The following PPM1E variants were observed in gnomAD, a reference collection of about 807,000 sequenced individuals.
The protein encoded by PPM1E is protein phosphatase 1E.
Under a neutral mutation model 65.9 loss-of-function variants are expected in PPM1E, and 20 were observed. That is an observed-to-expected ratio of 0.30 (90% CI 0.21 to 0.44). PPM1E has a LOEUF of 0.44. Ranked by LOEUF, PPM1E falls within the 20% of genes least tolerant of loss-of-function variation. The pLI is 1.00. For missense variants in PPM1E, 713 were observed against 953.1 expected (o/e 0.75, Z 3.32); for synonymous variants, 352 against 374.9 (o/e 0.94, Z 0.70).
At chr17:58,895,766 C>T (rs1338232415) in intron 1 of PPM1E, among the ~76,000 whole-genome samples, 6 of 151,970 alleles carry the variant, frequency 3.9e-5, no homozygotes, top group Admixed American at 1.3e-4. Flanking sequence ...ACCATAGCGA[C>T]ACGACTGCAC....
intron 1 of PPM1E, among the ~76,000 whole-genome samples, chr17:58,931,073 AAAAAAAAAAAAAAGAAAG>A (rs895928978): frequency 2.1e-5 from 3 of 140,882 alleles, no homozygotes; most frequent in African/African-American, 7.9e-5. Flanking sequence ...AATTAAAAAA[AAAAAAAAAAAAAAGAAAG>A]AAAGAAAGAA....
intron 4 of PPM1E, among the ~76,000 whole-genome samples, chr17:58,970,519 C>G (rs953515133): frequency 6.6e-6 from 1 of 152,102 alleles, no homozygotes; most frequent in African/African-American, 2.4e-5. Context: ...AACATTAACT[C>G]TTTTTAAAAT....
intron 1 of PPM1E, among the ~76,000 whole-genome samples, chr17:58,795,549 A>C (rs2050197665): frequency 6.6e-6 from 1 of 152,010 alleles, no homozygotes; most frequent in South Asian, 2.1e-4. Context: ...CAAAAAAATC[A>C]AAAAATTAAC....
intron 6 of PPM1E, among the ~76,000 whole-genome samples, chr17:58,976,627 G>A (rs1598709930): frequency 6.6e-6 from 1 of 152,282 alleles, no homozygotes; most frequent in Middle Eastern, 3.4e-3. Context: ...GGAGAGAAGA[G>A]GTTGAAGACA....
intron 1 of PPM1E, among the ~76,000 whole-genome samples, chr17:58,797,151 A>T (rs1375855323): frequency 6.6e-6 from 1 of 152,178 alleles, no homozygotes; most frequent in Admixed American, 6.5e-5. Flanking sequence ...CCCCTAAAAA[A>T]CAAATAATTT....
chr17:58,936,985 T>C (rs1353155136), intron 1 of PPM1E, among the ~76,000 whole-genome samples: 3 of 152,046 alleles, frequency 2.0e-5, no homozygotes, highest in Non-Finnish European at 2.9e-5. Context: ...TCAGCCTATA[T>C]AGTGGAGATG....
At chr17:58,855,871 T>C (rs2050877132) in intron 1 of PPM1E, among the ~76,000 whole-genome samples, 1 of 152,178 alleles carries the variant, frequency 6.6e-6, no homozygotes, top group Non-Finnish European at 1.5e-5. Flanking sequence ...CAGTGAATCT[T>C]CCCCTGTGGT....
chr17:58,941,874 A>G (rs1334474987), intron 1 of PPM1E, among the ~76,000 whole-genome samples: 2 of 143,642 alleles, frequency 1.4e-5, no homozygotes, highest in Admixed American at 7.0e-5. Context: ...GCGTGGTGGC[A>G]GGCACCTGTA....
chr17:58,883,119 C>G (rs1010422589), intron 1 of PPM1E, among the ~76,000 whole-genome samples: 1 of 151,702 alleles, frequency 6.6e-6, no homozygotes, highest in African/African-American at 2.4e-5. Flanking sequence ...CCACGCCCAG[C>G]TAATTTTTTT....
At chr17:58,774,313 T>C (rs1472027074) in intron 1 of PPM1E, among the ~76,000 whole-genome samples, 1 of 152,130 alleles carries the variant, frequency 6.6e-6, no homozygotes. Flanking sequence ...CATTAGTACA[T>C]GGTGGAGTAT....
chr17:58,941,146 G>A (rs1449755382), intron 1 of PPM1E, among the ~76,000 whole-genome samples: 4 of 152,072 alleles, frequency 2.6e-5, no homozygotes, highest in Non-Finnish European at 5.9e-5. Context: ...AAAGATAAGC[G>A]ATTTTTACAG....
At chr17:58,756,739 C>T (rs141627914) in intron 1 of PPM1E, among the ~76,000 whole-genome samples, 9 of 152,236 alleles carry the variant, frequency 5.9e-5, no homozygotes, top group Non-Finnish European at 1.2e-4. Context: ...CGGGCCCGGG[C>T]CCCTCATCCC....
intron 1 of PPM1E, among the ~76,000 whole-genome samples, chr17:58,871,816 CAAAAA>C (rs56173332): frequency 7.0e-6 from 1 of 143,330 alleles, no homozygotes; most frequent in Non-Finnish European, 1.5e-5. Flanking sequence ...GACCCTGTCT[CAAAAA>C]AAAAAAAAAA....
At chr17:58,860,770 C>G (rs570560945) in intron 1 of PPM1E, among the ~76,000 whole-genome samples, 1 of 152,038 alleles carries the variant, frequency 6.6e-6, no homozygotes, top group Non-Finnish European at 1.5e-5. Flanking sequence ...ATGGTGGAAC[C>G]CTGTCTCTAC....
chr17:58,795,667 G>A (rs2144270820), intron 1 of PPM1E, among the ~76,000 whole-genome samples: 1 of 152,338 alleles, frequency 6.6e-6, no homozygotes, highest in East Asian at 1.9e-4. Context: ...TTGTGCCACT[G>A]CACTGTAGCT....
intron 1 of PPM1E, among the ~76,000 whole-genome samples, chr17:58,845,428 C>A (rs540949188): frequency 6.6e-6 from 1 of 151,962 alleles, no homozygotes; most frequent in South Asian, 2.1e-4. Context: ...CTATCACCAC[C>A]ATCCATCTCC....
At chr17:58,960,376 G>A (rs1259845673) in intron 2 of PPM1E, among the ~76,000 whole-genome samples, 1 of 152,216 alleles carries the variant, frequency 6.6e-6, no homozygotes, top group Middle Eastern at 3.2e-3. Context: ...CCAAAGGAAT[G>A]GGGTTGTCTA....
intron 2 of PPM1E, among the ~76,000 whole-genome samples, chr17:58,962,040 TTTGGGA>T (rs1265139238): frequency 1.3e-5 from 2 of 152,078 alleles, no homozygotes; most frequent in African/African-American, 4.8e-5. Context: ...ATCCCAGCAC[TTTGGGA>T]GGCCAAGGCG....
chr17:58,928,817 C>T (rs1449494967), intron 1 of PPM1E, among the ~76,000 whole-genome samples: 1 of 151,830 alleles, frequency 6.6e-6, no homozygotes, highest in Non-Finnish European at 1.5e-5. Context: ...ATTCTCCTGC[C>T]TCAGCCTCCT....
Sources: allele counts gnomAD v4.1 joint callset (sites outside exome capture counted in the v4.1 genomes callset), GRCh38; gene constraint gnomAD v4.1.1; transcripts MANE v1.5; gene names NCBI Gene and HGNC (gene_info 2026-07-23, HGNC 2026-07-21).